Variants in JAKMIP1 observed in about 807,000 individuals in gnomAD.
JAKMIP1 encodes the protein janus kinase and microtubule-interacting protein 1.
In JAKMIP1, 33 loss-of-function variants were observed where a neutral mutation model predicts 113.0. The ratio of observed to expected loss-of-function variants is 0.29; its 90% confidence interval spans 0.22 to 0.39. The LOEUF (loss-of-function observed/expected upper bound fraction) is 0.39, where lower values mean the gene tolerates loss of function less well. Ranked by LOEUF, JAKMIP1 falls within the 10% of genes least tolerant of loss-of-function variation. The pLI, the probability that JAKMIP1 is intolerant of heterozygous loss-of-function variation, is 1.00. For synonymous variants in JAKMIP1, 480 were observed against 459.9 expected (o/e 1.04, Z -0.56); for missense variants, 813 against 1,080.5 (o/e 0.75, Z 3.47).
In JAKMIP1 at chr4:6,093,422, C is replaced by A. The variant is rs572730380; in HGVS notation, c.625-7793G>T. 2.1e-4 allele frequency among the ~76,000 whole-genome samples: 32 copies of A among 152,300 alleles called. No individual in the cohort carries two copies. Among genetic ancestry groups the A allele is most frequent in the African/African-American group, 7.7e-4 (32 of 41,550 alleles). ...TGTGTTCTTGGGCCATTCTGACTGA[C>A]AGCAAATTTCATGGCCATGGATGAC... On this transcript the variant is annotated intron_variant, in intron 3 of 20. Coordinates refer to ENST00000409021, the MANE Select transcript of JAKMIP1 (RefSeq NM_001099433.2). The surrounding 1 kb of genome is among the most constrained non-coding windows in gnomAD (Gnocchi z 4.6).
chr4:6,032,650 A>AACAAC (rs768412216), intron 19 of JAKMIP1, among the ~76,000 whole-genome samples: 8 of 140,504 alleles, frequency 5.7e-5, no homozygotes. Context: ...CGAATGTTAG[A>AACAAC]ACAACACAAC....
rs1290163842 is a variant in JAKMIP1 at position 6,064,593 on chromosome 4, A to G, written c.1431+287T>C. On this transcript the variant is annotated intron_variant, in intron 9 of 20. Transcript: ENST00000409021. This position sits in a 1 kb window ranked among gnomAD's most constrained non-coding sequence, Gnocchi z 4.3. ...AGGAAACCCAAGGCAACATCCCTCA[A>G]TGACTCAGCTTGAACTTGGCAGCCA... Among the ~76,000 whole-genome samples the G allele has an allele frequency of 6.6e-6, 1 of 152,116 alleles. No homozygotes were observed. The highest frequency in any genetic ancestry group is 2.4e-5 in the African/African-American group (1 of 41,432).
At chr4:6,054,550 C>T (rs1716085276) in intron 12 of JAKMIP1, among the ~76,000 whole-genome samples, 2 of 152,218 alleles carry the variant, frequency 1.3e-5, no homozygotes. Flanking sequence ...CAAGCCCCAC[C>T]AGATTCAACC....
rs1253262030 is a variant in JAKMIP1 at position 6,042,720 on chromosome 4, C to A, written c.2029-493G>T. Among the ~76,000 whole-genome samples, 1 of 152,048 alleles carries A rather than the reference C, an allele frequency of 6.6e-6. No individual in the cohort carries two copies. ...TGCAGAATGGAGATTTGGAACCCAGCCTGCAGGATGCCAAAGCCACTGCCC... is the reference window on the plus strand; with the variant it reads ...TGCAGAATGGAGATTTGGAACCCAGACTGCAGGATGCCAAAGCCACTGCCC... On this transcript the variant is annotated intron_variant, in intron 16 of 20. Coordinates refer to ENST00000409021, the MANE Select transcript of JAKMIP1 (RefSeq NM_001099433.2). The surrounding 1 kb of genome is among the most constrained non-coding windows in gnomAD (Gnocchi z 5.2).
At chr4:6,045,063 G>C (rs1421107790) in intron 16 of JAKMIP1, among the ~76,000 whole-genome samples, 2 of 152,262 alleles carry the variant, frequency 1.3e-5, no homozygotes, top group East Asian at 3.8e-4. Context: ...CTCAGGTGCA[G>C]AGCCTGGATC....
In JAKMIP1 at chr4:6,188,693, C is replaced by T. The variant is rs939187591; in HGVS notation, c.-148+11560G>A. On this transcript the variant is annotated intron_variant, in intron 1 of 20. Transcript: ENST00000409021. This position sits in a 1 kb window ranked among gnomAD's most constrained non-coding sequence, Gnocchi z 5.8. The stretch of plus-strand genomic sequence containing the variant: ...CCTCCCCCATCTTCTGGCTAGAGCA[C>T]CCCAATTTTTAATATCCTATCCAGC... Among the ~76,000 whole-genome samples the T allele has an allele frequency of 6.6e-6, 1 of 152,176 alleles. No individual in the cohort carries two copies. The highest frequency in any genetic ancestry group is 2.1e-4 in the South Asian group (1 of 4,828).
chr4:6,096,920 A>T (rs923528488), intron 3 of JAKMIP1, among the ~76,000 whole-genome samples: 2 of 152,248 alleles, frequency 1.3e-5, no homozygotes, highest in Non-Finnish European at 2.9e-5. Context: ...ACATTGAAAC[A>T]TCGGAAGGCA....
rs903233207 is a variant in JAKMIP1, at chr4:6,042,288, T to C, written c.2029-61A>G. On this transcript the variant is annotated intron_variant, in intron 16 of 20. Coordinates refer to ENST00000409021, the MANE Select transcript of JAKMIP1 (RefSeq NM_001099433.2). The surrounding 1 kb of genome is among the most constrained non-coding windows in gnomAD (Gnocchi z 5.2). ...GTGAGAGTCAGAACCCAAGGGGCTGTGGAATTTCACAGGTGTGTGAATTTC... is the reference window on the plus strand; with the variant it reads ...GTGAGAGTCAGAACCCAAGGGGCTGCGGAATTTCACAGGTGTGTGAATTTC... 1.5e-5 allele frequency: 20 copies of C among 1,358,164 alleles called. No homozygotes were observed. The African/African-American group carries it at 2.9e-4, about 19-fold the overall frequency. 84.1% of individuals were successfully genotyped at this position (1,358,164 alleles called of 1,614,324 possible).
intron 1 of JAKMIP1, among the ~76,000 whole-genome samples, chr4:6,170,212 G>C (rs111064825): frequency 0.55 from 72,411 of 132,048 alleles, 19,693 homozygotes; most frequent in African/African-American, 0.75. Flanking sequence ...TCATTGTCAA[G>C]ACCATCATAA....
intron 18 of JAKMIP1, among the ~76,000 whole-genome samples, chr4:6,037,536 G>A (rs1346646641): frequency 6.9e-6 from 1 of 145,786 alleles, no homozygotes; most frequent in East Asian, 2.0e-4. Context: ...CCAACACCGA[G>A]GCAGAGGCTA....
intron 12 of JAKMIP1, 57 bp from the exon 13 acceptor site, chr4:6,054,205 G>T: frequency 6.4e-7 from 1 of 1,552,176 alleles, no homozygotes; most frequent in East Asian, 2.2e-5. Flanking sequence ...GGGTCCCCTG[G>T]TCACAGGCCA....
At chr4:6,160,871 C>A (rs1722819783) in intron 1 of JAKMIP1, among the ~76,000 whole-genome samples, 1 of 150,956 alleles carries the variant, frequency 6.6e-6, no homozygotes, top group African/African-American at 2.4e-5. Flanking sequence ...CCACTGACCT[C>A]CCCGACCTCC....
chr4:6,121,353 G>A (rs773977498), intron 1 of JAKMIP1, among the ~76,000 whole-genome samples: 3 of 152,174 alleles, frequency 2.0e-5, no homozygotes, highest in Admixed American at 6.5e-5. Context: ...GAGCAAGGGC[G>A]TCAAATGGTC....
intron 19 of JAKMIP1, among the ~76,000 whole-genome samples, chr4:6,035,304 G>A (rs528152541): frequency 2.6e-5 from 4 of 152,112 alleles, no homozygotes; most frequent in East Asian, 3.9e-4. Context: ...CTACCCATAG[G>A]GTCCATGAGA....
At chr4:6,075,217 C>A (rs138614306) in intron 8 of JAKMIP1, among the ~76,000 whole-genome samples, 97 of 152,180 alleles carry the variant, frequency 6.4e-4, no homozygotes, top group Non-Finnish European at 1.2e-3. Context: ...AGTAGAGATG[C>A]AACCATCCAT....
At chr4:6,160,238 T>C (rs1729063873) in intron 1 of JAKMIP1, among the ~76,000 whole-genome samples, 1 of 152,126 alleles carries the variant, frequency 6.6e-6, no homozygotes, top group African/African-American at 2.4e-5. Context: ...ATGTCAGGTA[T>C]GAGATGTAAC....
At chr4:6,165,713 C>A (rs1723541561) in intron 1 of JAKMIP1, among the ~76,000 whole-genome samples, 1 of 152,128 alleles carries the variant, frequency 6.6e-6, no homozygotes, top group Non-Finnish European at 1.5e-5. Context: ...ACTGGGAAAT[C>A]AAAAAATTCA....
intron 13 of JAKMIP1, chr4:6,053,826 T>C (rs1440254518): frequency 9.6e-6 from 13 of 1,356,508 alleles, no homozygotes; most frequent in African/African-American, 1.5e-5. Flanking sequence ...CTCTGGTACA[T>C]GTCCATAGAC....
In JAKMIP1 at chr4:6,042,556, C is replaced by A. The variant is rs915200571; in HGVS notation, c.2029-329G>T. 1.3e-5 allele frequency among the ~76,000 whole-genome samples: 2 copies of A among 151,988 alleles called. No individual in the cohort carries two copies. The highest frequency in any genetic ancestry group is 4.8e-5 in the African/African-American group (2 of 41,364). Reference sequence around the variant, plus strand: ...GTGGTATAGCTGATGTCAATGAGTGCCTGCTCTGTGCTGATGCTTCACACA... The same window carrying A: ...GTGGTATAGCTGATGTCAATGAGTGACTGCTCTGTGCTGATGCTTCACACA... On this transcript the variant is annotated intron_variant, in intron 16 of 20. Transcript: ENST00000409021. The surrounding 1 kb of genome is among the most constrained non-coding windows in gnomAD (Gnocchi z 5.2).
Sources: allele counts gnomAD v4.1 joint callset (sites outside exome capture counted in the v4.1 genomes callset), GRCh38; gene constraint gnomAD v4.1.1; non-coding constraint Gnocchi (gnomAD v3.1); transcripts MANE v1.5; gene names NCBI Gene and HGNC (gene_info 2026-07-23, HGNC 2026-07-21).